Variants in GDPD4 observed in about 807,000 individuals in gnomAD.
GDPD4 encodes glycerophosphodiester phosphodiesterase 6.
A neutral mutation model predicts 67.8 loss-of-function variants in GDPD4; 60 were observed. The ratio of observed to expected loss-of-function variants is 0.88; its 90% CI spans 0.72 to 1.10. The LOEUF (loss-of-function observed/expected upper bound fraction) is 1.10. Ranked by LOEUF, GDPD4 falls within the 50% of genes least tolerant of loss-of-function variation. The probability of loss-of-function intolerance (pLI) is 0.00; values close to 1 mark genes in which losing one functional copy is unlikely to be tolerated. For missense variants in GDPD4, 623 were observed against 613.9 expected (o/e 1.01, Z -0.16); for synonymous variants, 212 against 210.9 (o/e 1.00, Z -0.04).
At chr11:77,278,563 TTAA>T (rs1364357936) in intron 4 of GDPD4, among the ~76,000 whole-genome samples, 5 of 152,256 alleles carry the variant, frequency 3.3e-5, no homozygotes, top group Admixed American at 6.5e-5. Flanking sequence ...CATATAATGA[TTAA>T]TAAGTTTTGT....
At chr11:77,282,874 A>G (rs1038808065) in intron 3 of GDPD4, among the ~76,000 whole-genome samples, 1 of 152,224 alleles carries the variant, frequency 6.6e-6, no homozygotes, top group African/African-American at 2.4e-5. Context: ...TATGCTATTT[A>G]TAAGAGAAAC....
chr11:77,222,415 T>G (rs1958245183), intron 16 of GDPD4, among the ~76,000 whole-genome samples: 1 of 152,234 alleles, frequency 6.6e-6, no homozygotes, highest in South Asian at 2.1e-4. Flanking sequence ...AGGGCAGGCC[T>G]GGTGGTGACA....
At chr11:77,219,906 T>C (rs979569945) in intron 16 of GDPD4, among the ~76,000 whole-genome samples, 3 of 152,222 alleles carry the variant, frequency 2.0e-5, no homozygotes, top group African/African-American at 7.2e-5. Context: ...GGAGCAACTG[T>C]GAATGGGAGT....
chr11:77,250,289 T>G (rs1958864849), intron 11 of GDPD4, among the ~76,000 whole-genome samples: 2 of 152,274 alleles, frequency 1.3e-5, no homozygotes, highest in South Asian at 2.1e-4. Context: ...CATCTTTATG[T>G]TCATGTATAT....
At chr11:77,266,258 T>C (rs1008170720) in intron 10 of GDPD4, among the ~76,000 whole-genome samples, 6 of 152,166 alleles carry the variant, frequency 3.9e-5, no homozygotes, top group Non-Finnish European at 5.9e-5. Context: ...ACCTCATATA[T>C]GACAGTGGCC....
At chr11:77,245,248 C>G (rs1275719688) in intron 12 of GDPD4, 33 bp downstream of exon 12, 9 of 1,561,392 alleles carry the variant, frequency 5.8e-6, no homozygotes, top group Non-Finnish European at 7.9e-6. Flanking sequence ...ACCCACCTCC[C>G]AACCTATGTC....
intron 13 of GDPD4, among the ~76,000 whole-genome samples, chr11:77,235,828 T>C (rs1234410146): frequency 6.6e-6 from 1 of 152,114 alleles, no homozygotes; most frequent in Non-Finnish European, 1.5e-5. Context: ...TGGTGGCACA[T>C]GCCTATAGTC....
At chr11:77,290,931 T>C (rs1937750865) in intron 1 of GDPD4, among the ~76,000 whole-genome samples, 1 of 152,130 alleles carries the variant, frequency 6.6e-6, no homozygotes, top group Non-Finnish European at 1.5e-5. Flanking sequence ...GGAACATAAA[T>C]TAGTACAGCC....
At chr11:77,228,714 G>A (rs1283840821) in intron 15 of GDPD4, among the ~76,000 whole-genome samples, 3 of 152,016 alleles carry the variant, frequency 2.0e-5, no homozygotes, top group African/African-American at 7.2e-5. Context: ...AAAATATTAT[G>A]GCCCAGAAAG....
At chr11:77,229,576 T>A (rs941628625) in intron 14 of GDPD4, among the ~76,000 whole-genome samples, 1 of 152,234 alleles carries the variant, frequency 6.6e-6, no homozygotes, top group African/African-American at 2.4e-5. Context: ...TGACTTCTAC[T>A]GCTGTTTTCA....
At chr11:77,285,272 C>CA in intron 2 of GDPD4, 85 bp from the exon 3 acceptor site, 1 of 670,532 alleles carries the variant, frequency 1.5e-6, no homozygotes, top group South Asian at 1.9e-5. Context: ...CAAAGGTCAG[C>CA]ATAGTTGCAC....
At chr11:77,229,502 G>C (rs1196235791) in intron 14 of GDPD4, among the ~76,000 whole-genome samples, 1 of 152,234 alleles carries the variant, frequency 6.6e-6, no homozygotes, top group African/African-American at 2.4e-5. Context: ...ACAGAGGGCA[G>C]AGGGGGTCCC....
intron 16 of GDPD4, among the ~76,000 whole-genome samples, chr11:77,219,276 G>C (rs1280732540): frequency 6.6e-6 from 1 of 152,106 alleles, no homozygotes; most frequent in Non-Finnish European, 1.5e-5. Context: ...TAGATTCCAG[G>C]TATTAGCCCT....
chr11:77,287,154 C>T (rs1015978407), intron 2 of GDPD4, 64 bp downstream of exon 2: 1 of 152,208 alleles, frequency 6.6e-6, no homozygotes, highest in African/African-American at 2.4e-5. Flanking sequence ...CTCATGGGGC[C>T]CAGCAGTCAG....
intron 1 of GDPD4, among the ~76,000 whole-genome samples, chr11:77,295,246 C>A (rs536443995): frequency 5.3e-5 from 8 of 151,802 alleles, no homozygotes; most frequent in Non-Finnish European, 1.2e-4. Context: ...CCTCAGCCTC[C>A]CAAAGTGCTG....
chr11:77,221,100 C>G (rs1276538222), intron 16 of GDPD4, among the ~76,000 whole-genome samples: 1 of 40,398 alleles, frequency 2.5e-5, no homozygotes, highest in Non-Finnish European at 6.4e-5. Context: ...GTGGTGATAT[C>G]CCCTTTAGCA....
intron 16 of GDPD4, among the ~76,000 whole-genome samples, chr11:77,223,390 T>G (rs998902581): frequency 3.3e-5 from 5 of 152,198 alleles, no homozygotes; most frequent in African/African-American, 1.2e-4. Flanking sequence ...ATGTCCTTTC[T>G]GTTGATGCTA....
chr11:77,229,612 T>C (rs939102046), intron 14 of GDPD4, among the ~76,000 whole-genome samples: 6 of 152,216 alleles, frequency 3.9e-5, no homozygotes, highest in African/African-American at 1.4e-4. Context: ...AACCTGGCTG[T>C]GCAGCCAAGT....
intron 16 of GDPD4, 134 bp downstream of exon 16, chr11:77,227,730 G>GT: frequency 1.5e-6 from 1 of 679,230 alleles, no homozygotes. Flanking sequence ...ACTTCCCCTG[G>GT]TCCCTCCCCC....
Sources: allele counts gnomAD v4.1 joint callset (sites outside exome capture counted in the v4.1 genomes callset), GRCh38; gene constraint gnomAD v4.1.1; transcripts MANE v1.5; gene names NCBI Gene and HGNC (gene_info 2026-07-23, HGNC 2026-07-21).